The following RTN3 variants were observed in gnomAD, a reference collection of about 807,000 sequenced individuals.
The protein encoded by RTN3 is reticulon-3.
Under a neutral mutation model 77.8 loss-of-function variants are expected in RTN3, and 49 were observed. The observed-to-expected ratio is 0.63, with a 90% CI of 0.50 to 0.80. The LOEUF is 0.80. RTN3 is among the 30% of genes least tolerant of loss of function. RTN3 has a pLI of 0.00. For synonymous variants in RTN3, 464 were observed against 446.9 expected, an observed-to-expected ratio of 1.04 and a Z score of -0.48; for missense variants, 1,236 against 1,211.9, an observed-to-expected ratio of 1.02 and a Z score of -0.29.
intron 3 of RTN3, 130 bp downstream of exon 3, chr11:63,721,162 A>G: frequency 2.7e-6 from 2 of 738,058 alleles, no homozygotes; most frequent in Middle Eastern, 3.8e-4. Flanking sequence ...ATGCTGTATG[A>G]TGGGAAAGGC....
intron 3 of RTN3, among the ~76,000 whole-genome samples, chr11:63,732,405 C>T (rs1269329125): frequency 6.6e-6 from 1 of 151,752 alleles, no homozygotes; most frequent in African/African-American, 2.4e-5. Flanking sequence ...GAACTCCTGG[C>T]CTCAAGTGAT....
At chr11:63,747,537 C>G (rs1156320618) in intron 3 of RTN3, among the ~76,000 whole-genome samples, 2 of 152,192 alleles carry the variant, frequency 1.3e-5, no homozygotes, top group African/African-American at 2.4e-5. Context: ...CTTAGCCAGA[C>G]TCTTTGAACC....
intron 6 of RTN3, 34 bp downstream of exon 6, chr11:63,753,172 T>G: frequency 1.3e-6 from 2 of 1,581,512 alleles, no homozygotes; most frequent in Non-Finnish European, 1.7e-6. Flanking sequence ...CCATGCTCTT[T>G]GAAGTAGTTT....
chr11:63,730,855 GTAA>G (rs2012641140), intron 3 of RTN3, among the ~76,000 whole-genome samples: 1 of 152,024 alleles, frequency 6.6e-6, no homozygotes, highest in African/African-American at 2.4e-5. Context: ...TTGGCAATCT[GTAA>G]TAATTGGAAA....
intron 1 of RTN3, among the ~76,000 whole-genome samples, chr11:63,688,951 C>T (rs141146403): frequency 1.3e-5 from 2 of 152,102 alleles, no homozygotes; most frequent in South Asian, 4.1e-4. Flanking sequence ...TCTCTTTACC[C>T]ATAATCCTAG....
At chr11:63,684,777 CTT>C (rs1417616381) in intron 1 of RTN3, among the ~76,000 whole-genome samples, 1 of 151,756 alleles carries the variant, frequency 6.6e-6, no homozygotes, top group Admixed American at 6.6e-5. Context: ...AAGAGAAACT[CTT>C]TTTGGAGTCT....
chr11:63,740,794 C>T (rs980062337), intron 3 of RTN3, among the ~76,000 whole-genome samples: 2 of 152,090 alleles, frequency 1.3e-5, no homozygotes, highest in African/African-American at 4.8e-5. Flanking sequence ...CTAACTTTAA[C>T]TTCAATTCTT....
chr11:63,693,555 G>T (rs766564414), intron 1 of RTN3, among the ~76,000 whole-genome samples: 3 of 152,022 alleles, frequency 2.0e-5, no homozygotes, highest in Non-Finnish European at 4.4e-5. Context: ...TAAACTTTAG[G>T]TTAAGAACAT....
intron 1 of RTN3, among the ~76,000 whole-genome samples, chr11:63,703,559 T>C (rs1462044891): frequency 2.0e-5 from 3 of 151,604 alleles, no homozygotes; most frequent in African/African-American, 7.3e-5. Context: ...CTTTTTTTTT[T>C]TTTTGAGACG....
At chr11:63,707,367 G>A (rs1026833090) in intron 2 of RTN3, among the ~76,000 whole-genome samples, 2 of 151,966 alleles carry the variant, frequency 1.3e-5, no homozygotes, top group Admixed American at 6.6e-5. Flanking sequence ...CAAGTAGAAG[G>A]GAGGTAAATA....
At chr11:63,721,994 CAGAAACCCCTTCTCTTGTCTTTTATCT>C (rs1476102587) in intron 3 of RTN3, among the ~76,000 whole-genome samples, 1 of 152,026 alleles carries the variant, frequency 6.6e-6, no homozygotes, top group Non-Finnish European at 1.5e-5. Context: ...TAGATGGTAC[CAGAAACCCCTTCTCTTGTCTTTTATCT>C]ATTTCAAATG....
At chr11:63,709,458 T>C (rs552549084) in intron 2 of RTN3, among the ~76,000 whole-genome samples, 4 of 152,196 alleles carry the variant, frequency 2.6e-5, no homozygotes, top group African/African-American at 4.8e-5. Flanking sequence ...ATTGGAAGCA[T>C]TGCATTAATG....
chr11:63,744,918 G>C (rs1490574543), intron 3 of RTN3, among the ~76,000 whole-genome samples: 1 of 152,190 alleles, frequency 6.6e-6, no homozygotes, highest in African/African-American at 2.4e-5. Flanking sequence ...CTTGAGCCCA[G>C]GAGGCAGAGG....
At chr11:63,717,318 G>A (rs1478291701) in intron 2 of RTN3, among the ~76,000 whole-genome samples, 6 of 148,878 alleles carry the variant, frequency 4.0e-5, no homozygotes, top group Non-Finnish European at 7.4e-5. Context: ...AAGACTTAAC[G>A]TATTACTTTG....
chr11:63,745,091 ACTATTGG>A (rs528401763), intron 3 of RTN3, among the ~76,000 whole-genome samples: 10 of 152,212 alleles, frequency 6.6e-5, no homozygotes, highest in Non-Finnish European at 1.2e-4. Flanking sequence ...TTCATTTTAA[ACTATTGG>A]CAACTGCCTC....
intron 2 of RTN3, among the ~76,000 whole-genome samples, chr11:63,706,246 T>G (rs1942490306): frequency 6.6e-6 from 1 of 152,150 alleles, no homozygotes; most frequent in African/African-American, 2.4e-5. Context: ...CAATGGCACT[T>G]CATTGAATTC....
intron 3 of RTN3, among the ~76,000 whole-genome samples, chr11:63,732,366 T>TG (rs1437495073): frequency 6.6e-6 from 1 of 151,864 alleles, no homozygotes; most frequent in East Asian, 1.9e-4. Flanking sequence ...TTTGTAGAAA[T>TG]GGGGTCTCAT....
At chr11:63,684,730 T>G (rs568498296) in intron 1 of RTN3, among the ~76,000 whole-genome samples, 7 of 152,204 alleles carry the variant, frequency 4.6e-5, no homozygotes, top group Non-Finnish European at 1.0e-4. Flanking sequence ...AATTATCAAA[T>G]TTACGAGCTA....
intron 3 of RTN3, among the ~76,000 whole-genome samples, chr11:63,724,147 C>T (rs2012034989): frequency 6.6e-6 from 1 of 151,174 alleles, no homozygotes; most frequent in Non-Finnish European, 1.5e-5. Flanking sequence ...CCTAGAACTG[C>T]CCTAGCAATC....
Sources: allele counts gnomAD v4.1 joint callset (sites outside exome capture counted in the v4.1 genomes callset), GRCh38; gene constraint gnomAD v4.1.1; transcripts MANE v1.5; gene names NCBI Gene and HGNC (gene_info 2026-07-23, HGNC 2026-07-21).